The following ANKRD30BL variants were observed in gnomAD, a reference collection of about 807,000 sequenced individuals.
ANKRD30BL encodes putative ankyrin repeat domain-containing protein 30B-like.
Under a neutral mutation model 18.4 loss-of-function variants are expected in ANKRD30BL, and 20 were observed. That is an observed-to-expected ratio of 1.09 (90% CI 0.77 to 1.58). The LOEUF (loss-of-function observed/expected upper bound fraction) is 1.58. Ranked by LOEUF, ANKRD30BL falls within the 40% of genes most tolerant of loss-of-function variation. The probability of loss-of-function intolerance (pLI) is 0.00; values close to 1 mark genes in which losing one functional copy is unlikely to be tolerated. For synonymous variants in ANKRD30BL, 72 were observed against 100.9 expected, an observed-to-expected ratio of 0.71 and a Z score of 1.72; for missense variants, 224 against 268.6, an observed-to-expected ratio of 0.83 and a Z score of 1.16.
At chr2:132,220,626 G>A (rs981208386) in intron 1 of ANKRD30BL, among the ~76,000 whole-genome samples, 15 of 152,070 alleles carry the variant, frequency 9.9e-5, no homozygotes, top group South Asian at 4.2e-4. Flanking sequence ...TCGGCCTCCC[G>A]AGGTGCCGGG....
intron 1 of ANKRD30BL, among the ~76,000 whole-genome samples, chr2:132,252,478 C>G (rs1363989169): frequency 2.6e-5 from 4 of 151,594 alleles, no homozygotes. Context: ...ATGAGCACTG[C>G]CAGATGGGCC....
intron 1 of ANKRD30BL, among the ~76,000 whole-genome samples, chr2:132,217,500 A>G (rs1296344913): frequency 6.6e-6 from 1 of 152,132 alleles, no homozygotes; most frequent in Non-Finnish European, 1.5e-5. Flanking sequence ...CAACTCACAG[A>G]GTTGAAGATA....
intron 1 of ANKRD30BL, among the ~76,000 whole-genome samples, chr2:132,245,668 C>G (rs958524263): frequency 6.6e-5 from 10 of 152,264 alleles, no homozygotes; most frequent in African/African-American, 2.4e-4. Flanking sequence ...GATGTGTGTA[C>G]TCAACTCACA....
rs191489516 is a variant in ANKRD30BL, at chr2:132,198,543, T to C, written n.442-41397A>G. On this transcript the variant is annotated intron_variant and non_coding_transcript_variant, in intron 1 of 4. Transcript: ENST00000470729. ...TTTCACTGTGTTAGCTAGGATGGTC[T>C]CCATCTCCTGACCTCGTGATCTGCC... Among the ~76,000 whole-genome samples the C allele has an allele frequency of 2.7e-4, 41 of 151,832 alleles. No homozygotes were observed. The East Asian group carries it at 8.0e-3, about 30-fold the overall frequency.
upstream of ANKRD30BL, among the ~76,000 whole-genome samples, chr2:132,165,061 A>G (rs894790543): frequency 3.3e-5 from 5 of 151,798 alleles, no homozygotes; most frequent in Non-Finnish European, 5.9e-5. Context: ...GCGACAGAGC[A>G]GACTCCGTCT....
At chr2:132,198,328 T>TC (rs1679016774) in intron 1 of ANKRD30BL, among the ~76,000 whole-genome samples, 1 of 117,930 alleles carries the variant, frequency 8.5e-6, no homozygotes, top group Non-Finnish European at 1.7e-5. Context: ...TTCTTTCTTT[T>TC]TTTTTTTTTT....
At chr2:132,172,036 T>C (rs1353412269) in intron 1 of ANKRD30BL, among the ~76,000 whole-genome samples, 2 of 152,248 alleles carry the variant, frequency 1.3e-5, no homozygotes, top group Non-Finnish European at 2.9e-5. Flanking sequence ...TGAAATTCTG[T>C]AGTGTATATT....
At chr2:132,218,260 T>G (rs1400023890) in intron 1 of ANKRD30BL, among the ~76,000 whole-genome samples, 2 of 152,162 alleles carry the variant, frequency 1.3e-5, no homozygotes, top group Non-Finnish European at 1.5e-5. Context: ...TTGGTCTGCT[T>G]TGAGGCCTTC....
intron 1 of ANKRD30BL, among the ~76,000 whole-genome samples, chr2:132,196,368 T>C (rs202000026): frequency 0.017 from 2,648 of 151,764 alleles, 88 homozygotes; most frequent in African/African-American, 0.06. Context: ...GGTAAGAGAA[T>C]TGATAGAACC....
intron 1 of ANKRD30BL, among the ~76,000 whole-genome samples, chr2:132,254,144 C>G (rs1680751631): frequency 1.3e-5 from 2 of 152,160 alleles, no homozygotes; most frequent in Middle Eastern, 3.4e-3. Flanking sequence ...CAGCCCGCCC[C>G]ACGACACGCA....
chr2:132,203,717 G>T (rs1275822144), intron 1 of ANKRD30BL, among the ~76,000 whole-genome samples: 1 of 151,752 alleles, frequency 6.6e-6, no homozygotes, highest in Non-Finnish European at 1.5e-5. Context: ...AATACTTTTA[G>T]GTAGAATAAT....
chr2:132,204,562 A>T (rs1350023345), intron 1 of ANKRD30BL, among the ~76,000 whole-genome samples: 2 of 151,842 alleles, frequency 1.3e-5, no homozygotes, highest in Non-Finnish European at 2.9e-5. Flanking sequence ...TAGAAGAAAA[A>T]GTCAGAAAGA....
At chr2:132,212,639 C>T (rs1679386738) in intron 1 of ANKRD30BL, among the ~76,000 whole-genome samples, 1 of 151,572 alleles carries the variant, frequency 6.6e-6, no homozygotes, top group Non-Finnish European at 1.5e-5. Context: ...AAACAATCTT[C>T]ACTTAAGTAC....
chr2:132,255,460 G>A (rs1680804034), intron 1 of ANKRD30BL, among the ~76,000 whole-genome samples: 3 of 152,086 alleles, frequency 2.0e-5, no homozygotes, highest in Non-Finnish European at 1.5e-5. Context: ...GGCACCGAGA[G>A]GCAAGAAGCA....
chr2:132,183,323 G>C (rs1055214863), intron 1 of ANKRD30BL, among the ~76,000 whole-genome samples: 2 of 151,988 alleles, frequency 1.3e-5, no homozygotes, highest in African/African-American at 4.8e-5. Flanking sequence ...GTAGAGACAG[G>C]GTTTCACCAT....
intron 1 of ANKRD30BL, among the ~76,000 whole-genome samples, chr2:132,158,115 G>A (rs1687961519): frequency 6.6e-6 from 1 of 152,104 alleles, no homozygotes; most frequent in Admixed American, 6.5e-5. Context: ...CTTCCATGAA[G>A]TGGAATATGG....
intron 1 of ANKRD30BL, among the ~76,000 whole-genome samples, chr2:132,222,560 A>T (rs1679720366): frequency 6.6e-6 from 1 of 152,132 alleles, no homozygotes; most frequent in Non-Finnish European, 1.5e-5. Context: ...TCTCTGAAAC[A>T]TGTGCTGTGT....
intron 1 of ANKRD30BL, among the ~76,000 whole-genome samples, chr2:132,245,608 G>A (rs78830884): frequency 4.6e-5 from 7 of 152,188 alleles, no homozygotes; most frequent in African/African-American, 1.7e-4. Flanking sequence ...TGAAAAAGGA[G>A]GTATCTTCCC....
chr2:132,253,514 T>A (rs1680723844), intron 1 of ANKRD30BL, among the ~76,000 whole-genome samples: 2 of 151,978 alleles, frequency 1.3e-5, no homozygotes, highest in African/African-American at 4.8e-5. Context: ...GCCCAGGGGT[T>A]CCCGCCCCCA....
Sources: gnomAD v4.1 joint callset for allele counts (sites outside exome capture counted in the v4.1 genomes callset) on GRCh38, gnomAD v4.1.1 for gene constraint, MANE v1.5 for transcripts, NCBI Gene and HGNC (gene_info 2026-07-23, HGNC 2026-07-21) for gene names.